Variants in SERPINB3 observed in about 807,000 individuals in gnomAD.
SERPINB3 encodes the protein serpin family B member 3, also known as serpin B3.
Under a neutral mutation model 33.0 loss-of-function variants are expected in SERPINB3, and 33 were observed. The observed-to-expected ratio is 1.00, with a 90% CI of 0.76 to 1.34. The LOEUF (loss-of-function observed/expected upper bound fraction) is 1.34. Among genes scored for constraint, SERPINB3 ranks in the 40% most tolerant of loss-of-function variants. SERPINB3 has a pLI of 0.00. For synonymous variants in SERPINB3, 200 were observed against 170.9 expected, an observed-to-expected ratio of 1.17 and a Z score of -1.33; for missense variants, 518 against 461.5, an observed-to-expected ratio of 1.12 and a Z score of -1.12.
chr18:63,659,090 T>G (rs1203851371), intron 4 of SERPINB3, among the ~76,000 whole-genome samples: 1 of 152,170 alleles, frequency 6.6e-6, no homozygotes, highest in Non-Finnish European at 1.5e-5. Flanking sequence ...CCCACCAAGA[T>G]GTATCGTATG....
rs770909450 is a variant in SERPINB3 at position 63,660,821 on chromosome 18, T to C, written c.201A>G (p.Thr67=). The change falls in exon 3 of 8, where the codon ACA becomes ACG. Residue 67 remains threonine (T), a synonymous_variant. Coordinates refer to ENST00000283752, the MANE Select transcript of SERPINB3 (RefSeq NM_006919.3). ...TCACATGATATGTTGCAGCTTTTCC[T>C]GTGGTGTTCTCTGTGACTTGATCAA... is the stretch of plus-strand genomic sequence containing the variant. ...LHFDQVTENT[T]GKAATYHVDR... 2 of 1,613,300 alleles carry C rather than the reference T, an allele frequency of 1.2e-6. No homozygotes were observed. The highest frequency in any genetic ancestry group is 3.3e-5 in the Admixed American group (2 of 59,862).
intron 4 of SERPINB3, chr18:63,659,181 A>G: frequency 1.7e-6 from 1 of 585,076 alleles, no homozygotes; most frequent in Non-Finnish European, 3.1e-6. Flanking sequence ...CTCCTCTTTT[A>G]TTACAAGATT....
At position 63,655,198 on chromosome 18, in the gene SERPINB3, G is replaced by A. The variant is rs866261503; in HGVS notation, c.*459C>T. ...CAGAGAGAAAATGTAAAGCAAAAAT[G>A]ATTTTATGTCACTATTTTATTGATG... On this transcript the variant is annotated 3_prime_UTR_variant, in exon 8 of 8. Coordinates refer to ENST00000283752, the MANE Select transcript of SERPINB3 (RefSeq NM_006919.3). 1.3e-5 allele frequency: 2 copies of A among 153,518 alleles called. No homozygotes were observed. The highest frequency in any genetic ancestry group is 2.9e-5 in the Non-Finnish European group (2 of 69,072). 9.5% of individuals were successfully genotyped at this position (153,518 alleles called of 1,614,324 possible).
At position 63,656,088 on chromosome 18, in the gene SERPINB3, T is replaced by G. The variant is rs1263257956; in HGVS notation, c.769-27A>C. 5 of 1,602,582 alleles carry G rather than the reference T, an allele frequency of 3.1e-6. No homozygotes were observed. The East Asian group carries it at 1.1e-4, about 36-fold the overall frequency. On this transcript the variant is annotated intron_variant, in intron 7 of 7. Transcript: ENST00000283752. ...TATACAAATGGAAAAAAGAAACTGA[T>G]ATGACTAACTGTTGATTTCTAATAC... is the stretch of plus-strand genomic sequence containing the variant.
At chr18:63,657,831 T>A (rs1169286463) in intron 5 of SERPINB3, among the ~76,000 whole-genome samples, 2 of 151,908 alleles carry the variant, frequency 1.3e-5, no homozygotes, top group South Asian at 2.1e-4. Flanking sequence ...CCCTGACTGC[T>A]TTTTAGGACA....
intron 5 of SERPINB3, among the ~76,000 whole-genome samples, chr18:63,657,840 C>T (rs1913539640): frequency 6.7e-6 from 1 of 149,672 alleles, no homozygotes; most frequent in South Asian, 2.1e-4. Context: ...CTTTTTAGGA[C>T]AAGTGACATG....
intron 3 of SERPINB3, 173 bp downstream of exon 3, chr18:63,660,627 A>G (rs1913616567): frequency 1.3e-6 from 1 of 753,672 alleles, no homozygotes; most frequent in Admixed American, 2.4e-5. Flanking sequence ...AGTAACGAAG[A>G]AAGGAGGAAT....
At chr18:63,659,578 C>T (rs751974736) in intron 3 of SERPINB3, 51 bp from the exon 4 acceptor site, 6 of 1,611,588 alleles carry the variant, frequency 3.7e-6, no homozygotes, top group Non-Finnish European at 5.1e-6. Context: ...AATGTAAATA[C>T]TAAACCCATG....
rs2144497859 is a variant in SERPINB3, at chr18:63,660,813, G to A, written c.209C>T (p.Ala70Val). Reference protein sequence around the residue: ...DQVTENTTGKAATYHVDRSGN... With the variant: ...DQVTENTTGKVATYHVDRSGN... ...TCTGTGACTCACATGATATGTTGCA[G>A]CTTTTCCTGTGGTGTTCTCTGTGAC... The change falls in exon 3 of 8, where the codon GCT becomes GTT. Residue 70 changes from alanine to valine, a missense_variant. By Grantham distance (64) the Ala-to-Val change is moderately conservative. Transcript: ENST00000283752. The A allele has an allele frequency of 6.2e-7, 1 of 1,613,388 alleles. No homozygotes were observed. The highest frequency in any genetic ancestry group is 8.5e-7 in the Non-Finnish European group (1 of 1,179,574).
rs11370831 is a variant in SERPINB3 at position 63,659,394 on chromosome 18, A to AT, written c.351+4dup. The AT allele has an allele frequency of 1, 1,598,307 of 1,601,786 alleles. 797,437 individuals carry two copies. The highest frequency in any genetic ancestry group is 1 in the East Asian group (44,746 of 44,760). ...ATGAAATGTGGGTAGGCCAGGTGAA[A>AT]TTACCTGTAAAAATAGATACGTTTT... On this transcript the variant is annotated splice_donor_region_variant and intron_variant, in intron 4 of 7. Coordinates refer to ENST00000283752, the MANE Select transcript of SERPINB3 (RefSeq NM_006919.3).
In SERPINB3 at chr18:63,656,975, C is replaced by G. The variant is rs765812385; in HGVS notation, c.624G>C (p.Lys208Asn). 6.2e-7 allele frequency: 1 copy of G among 1,608,554 alleles called. No homozygotes were observed. Among genetic ancestry groups the G allele is most frequent in the East Asian group, 2.2e-5 (1 of 44,746 alleles). ...EKFWPNKNTY[K>N]SIQMMRQYTS... ...TGTATTGCCTCATCATCTGTATGGACTTGTATGTATTCTACAATAAATCAA... is the reference window on the plus strand; with the variant it reads ...TGTATTGCCTCATCATCTGTATGGAGTTGTATGTATTCTACAATAAATCAA... The change falls in exon 7 of 8, where the codon AAG becomes AAC. Residue 208 changes from lysine to asparagine, a missense_variant. Coordinates refer to ENST00000283752, the MANE Select transcript of SERPINB3 (RefSeq NM_006919.3).
At chr18:63,658,348 C>G (rs1310266370) in intron 5 of SERPINB3, among the ~76,000 whole-genome samples, 165 bp downstream of exon 5, 1 of 152,090 alleles carries the variant, frequency 6.6e-6, no homozygotes, top group Admixed American at 6.6e-5. Flanking sequence ...CTCCCCTAGG[C>G]TCTCTTCATA....
chr18:63,658,515 T>C lies in SERPINB3; in HGVS notation c.467A>G (p.Asn156Ser). The change falls in exon 5 of 8, where the codon AAT becomes AGT. Residue 156 changes from asparagine to serine, a missense_variant and splice_region_variant. Physicochemically the swap from Asn to Ser is conservative, Grantham distance 46. Coordinates refer to ENST00000283752, the MANE Select transcript of SERPINB3 (RefSeq NM_006919.3). Reference protein sequence around the residue: ...KINSWVESQTNEKIKNLIPEG... With the variant: ...KINSWVESQTSEKIKNLIPEG... ...TCTATAATGGGTGGCTCTCCTACCATTCGTTTGACTTTCCACCCAGGAGTT... is the reference window on the plus strand; with the variant it reads ...TCTATAATGGGTGGCTCTCCTACCACTCGTTTGACTTTCCACCCAGGAGTT... The C allele has an allele frequency of 1.9e-6, 3 of 1,611,212 alleles. No homozygotes were observed. The highest frequency in any genetic ancestry group is 2.5e-6 in the Non-Finnish European group (3 of 1,178,164).
chr18:63,657,338 A>C lies in SERPINB3; in HGVS notation c.544T>G (p.Phe182Val). Residue 182 changes from phenylalanine to valine, a missense_variant, in exon 6 of 8, where the codon TTC becomes GTC. Transcript: ENST00000283752. ...TTLVLVNAIY[F>V]KGQWEKKFNK... ...AATTTCTTCTCCCACTGCCCTTTGA[A>C]ATAGATTGCGTTCACAAGAACCAAT... is the stretch of plus-strand genomic sequence containing the variant. The C allele has an allele frequency of 6.2e-7, 1 of 1,610,806 alleles. No individual in the cohort carries two copies. Among genetic ancestry groups the C allele is most frequent in the Non-Finnish European group, 8.5e-7 (1 of 1,177,830 alleles).
Position 63,655,915 on chromosome 18 carries a change from C to T in SERPINB3, c.915G>A (p.Val305=), listed in dbSNP as rs147015574. The change falls in exon 8 of 8, where the codon GTG becomes GTA. Residue 305 remains valine, a synonymous_variant. Coordinates refer to ENST00000283752, the MANE Select transcript of SERPINB3 (RefSeq NM_006919.3). ...LKDTLRTMGM[V]DIFNGDADLS... ...GGTCTGCATCCCCATTGAAGATATC[C>T]ACCATTCCCATGGTTCTCAACGTGT... 6.2e-7 allele frequency: 1 copy of T among 1,613,974 alleles called. No homozygotes were observed. Among genetic ancestry groups the T allele is most frequent in the East Asian group, 2.2e-5 (1 of 44,868 alleles).
Position 63,661,061 on chromosome 18 carries a change from C to T in SERPINB3, c.156G>A (p.Gln52=), listed in dbSNP as rs1264874721. Residue 52 remains glutamine (Q), a synonymous_variant, in exon 2 of 8, where the codon CAG becomes CAA. Coordinates refer to ENST00000283752, the MANE Select transcript of SERPINB3 (RefSeq NM_006919.3). ...LLGAKDNTAQ[Q]IKKVLHFDQV... ...TGATGCTGATAGCTACCTTCTTAAT[C>T]TGTTGTGCAGTGTTGTCTTTGGCTC... is the stretch of plus-strand genomic sequence containing the variant. The T allele has an allele frequency of 1.5e-5, 25 of 1,613,458 alleles. No homozygotes were observed. The Admixed American group carries it at 1.8e-4, about 12-fold the overall frequency.
intron 2 of SERPINB3, 75 bp from the exon 3 acceptor site, chr18:63,660,931 G>T: frequency 4.3e-6 from 7 of 1,611,860 alleles, no homozygotes; most frequent in East Asian, 2.2e-5. Flanking sequence ...CACAGTTACG[G>T]GAATTCCTGC....
chr18:63,659,185 C>T, intron 4 of SERPINB3: 1 of 590,442 alleles, frequency 1.7e-6, no homozygotes, highest in Non-Finnish European at 3.0e-6. Context: ...TCTTTTATTA[C>T]AAGATTATCC....
At chr18:63,657,728 C>G (rs968461330) in intron 5 of SERPINB3, among the ~76,000 whole-genome samples, 1 of 150,888 alleles carries the variant, frequency 6.6e-6, no homozygotes, top group Non-Finnish European at 1.5e-5. Context: ...TTTGTCTACT[C>G]TTTCAACATG....
Sources: gnomAD v4.1 joint callset for allele counts (sites outside exome capture counted in the v4.1 genomes callset) on GRCh38, gnomAD v4.1.1 for gene constraint, MANE v1.5 for transcripts, NCBI Gene and HGNC (gene_info 2026-07-23, HGNC 2026-07-21) for gene names.